Variants in VPS13B observed in about 807,000 individuals in gnomAD.
The protein encoded by VPS13B is intermembrane lipid transfer protein VPS13B.
Under a neutral mutation model 426.4 loss-of-function variants are expected in VPS13B, and 285 were observed. The observed-to-expected ratio is 0.67, with a 90% CI of 0.61 to 0.74. VPS13B has a LOEUF of 0.74. Among genes scored for constraint, VPS13B ranks in the 30% least tolerant of loss-of-function variants. The pLI is 0.00. For synonymous variants in VPS13B, 1,676 were observed against 1,676.4 expected, an observed-to-expected ratio of 1.00 and a Z score of 0.01; for missense variants, 4,537 against 4,782.6, an observed-to-expected ratio of 0.95 and a Z score of 1.51.
At chr8:99,159,490 TAATC>T (rs1166192386) in intron 15 of VPS13B, among the ~76,000 whole-genome samples, 1 of 152,204 alleles carries the variant, frequency 6.6e-6, no homozygotes, top group Non-Finnish European at 1.5e-5. Flanking sequence ...AAGGAAGAGT[TAATC>T]AATATGGCAA....
intron 35 of VPS13B, among the ~76,000 whole-genome samples, chr8:99,676,905 G>A (rs987787733): frequency 3.3e-5 from 5 of 152,050 alleles, no homozygotes; most frequent in African/African-American, 1.2e-4. Context: ...TGCCGTGGGT[G>A]GATCACCTGA....
At chr8:99,736,652 A>G (rs765985473) in intron 39 of VPS13B, among the ~76,000 whole-genome samples, 10 of 152,168 alleles carry the variant, frequency 6.6e-5, no homozygotes, top group Non-Finnish European at 1.0e-4. Context: ...CCTAAATGAG[A>G]GTTTGAGCTA....
intron 35 of VPS13B, among the ~76,000 whole-genome samples, chr8:99,687,008 C>T (rs1415680166): frequency 6.6e-6 from 1 of 152,010 alleles, no homozygotes; most frequent in Non-Finnish European, 1.5e-5. Flanking sequence ...TCACCCAGGG[C>T]CCATGGTGAG....
At chr8:99,848,654 T>C (rs1038084944) in intron 54 of VPS13B, 122 bp from the exon 55 acceptor site, 2 of 932,914 alleles carry the variant, frequency 2.1e-6, no homozygotes, top group African/African-American at 3.2e-5. Context: ...CACATGGATA[T>C]AAAGAAATAT....
intron 25 of VPS13B, among the ~76,000 whole-genome samples, chr8:99,482,439 G>T (rs1034132404): frequency 8.6e-5 from 13 of 152,000 alleles, no homozygotes; most frequent in African/African-American, 3.1e-4. Flanking sequence ...TAAATAAAAG[G>T]AAAGTAATTT....
At chr8:99,836,063 TAC>T (rs1334858814) in intron 54 of VPS13B, among the ~76,000 whole-genome samples, 1 of 152,200 alleles carries the variant, frequency 6.6e-6, no homozygotes, top group African/African-American at 2.4e-5. Flanking sequence ...CAGATTTTAG[TAC>T]AGTCATAATA....
chr8:99,806,686 AT>A (rs921029563), intron 43 of VPS13B, among the ~76,000 whole-genome samples: 9 of 152,184 alleles, frequency 5.9e-5, no homozygotes, highest in African/African-American at 1.2e-4. Flanking sequence ...CAAATGTCAC[AT>A]TTTTTTGTGC....
chr8:99,163,048 GAGTGTCAATTGGTGCATTCACAAAC>G lies in VPS13B; in HGVS notation c.2208+6306_2208+6330del, dbSNP rs1456896703. On this transcript the variant is annotated intron_variant, in intron 15 of 61. Coordinates refer to ENST00000357162, the MANE Select transcript of VPS13B (RefSeq NM_152564.5). ...GGCCCCACCAGAGCGGCTAGATACA[GAGTGTCAATTGGTGCATTCACAAAC>G]CTTGAGCTAAACACAGGGTGCTGAC... is the stretch of plus-strand genomic sequence containing the variant. 1.1e-4 allele frequency among the ~76,000 whole-genome samples: 17 copies of G among 152,332 alleles called. No individual in the cohort carries two copies. In the East Asian group the frequency reaches 3.1e-3, roughly 28 times the overall value.
At chr8:99,167,092 C>T (rs1291880762) in intron 15 of VPS13B, among the ~76,000 whole-genome samples, 1 of 152,082 alleles carries the variant, frequency 6.6e-6, no homozygotes, top group Non-Finnish European at 1.5e-5. Context: ...AAAGATGTCC[C>T]TAATCCTTTT....
intron 8 of VPS13B, 119 bp downstream of exon 8, chr8:99,121,564 C>A (rs1847934232): frequency 1.3e-6 from 2 of 1,505,536 alleles, no homozygotes; most frequent in South Asian, 2.8e-5. Flanking sequence ...GAGATAGAGT[C>A]TAACAGTTCT....
intron 20 of VPS13B, among the ~76,000 whole-genome samples, chr8:99,387,308 C>A (rs1044002858): frequency 6.6e-6 from 1 of 152,024 alleles, no homozygotes; most frequent in Admixed American, 6.6e-5. Flanking sequence ...GCCTTAACTT[C>A]GTGGGCTCAA....
intron 33 of VPS13B, among the ~76,000 whole-genome samples, chr8:99,602,131 G>A (rs1317847634): frequency 2.0e-5 from 3 of 152,180 alleles, no homozygotes; most frequent in Admixed American, 1.3e-4. Context: ...TATAGTTTTA[G>A]TTCTAAAATT....
intron 42 of VPS13B, among the ~76,000 whole-genome samples, chr8:99,782,473 C>T (rs1262124695): frequency 6.6e-6 from 1 of 151,814 alleles, no homozygotes; most frequent in Non-Finnish European, 1.5e-5. Flanking sequence ...AATAGGAGAA[C>T]CTACCTTGAC....
intron 33 of VPS13B, among the ~76,000 whole-genome samples, chr8:99,596,080 A>C (rs1273691586): frequency 6.6e-6 from 1 of 151,972 alleles, no homozygotes; most frequent in Non-Finnish European, 1.5e-5. Flanking sequence ...TACATAACCT[A>C]CTGCTCCAGT....
At chr8:99,748,683 C>CT (rs34563233) in intron 39 of VPS13B, among the ~76,000 whole-genome samples, 10 of 151,662 alleles carry the variant, frequency 6.6e-5, no homozygotes, top group East Asian at 1.9e-4. Context: ...TGCTTGACTC[C>CT]TTTTTTTTGC....
chr8:99,495,174 T>C (rs1385049788), intron 25 of VPS13B, among the ~76,000 whole-genome samples: 1 of 152,196 alleles, frequency 6.6e-6, no homozygotes, highest in African/African-American at 2.4e-5. Context: ...AAACATAGTC[T>C]TCTTCATAAT....
At position 99,121,312 on chromosome 8, in the gene VPS13B, G is replaced by A. The variant is rs201965789; in HGVS notation, c.1073G>A (p.Ser358Asn). The A allele has an allele frequency of 6.8e-5, 110 of 1,614,176 alleles. 1 individual carries two copies. In the Admixed American group the frequency reaches 1.8e-3, roughly 27 times the overall value. The change falls in exon 8 of 62, where the codon AGT (serine) becomes AAT (asparagine). Residue 358 changes from serine (S) to asparagine (N), a missense_variant. Physicochemically the swap from Ser to Asn is conservative, Grantham distance 46. Around this residue, in one of 2 missense-constraint regions of VPS13B, gnomAD observed 4,311 missense variants for 4,474.3 expected, o/e 0.96. Coordinates refer to ENST00000357162, the MANE Select transcript of VPS13B (RefSeq NM_152564.5). ...TGGTCCTTTGTGCCTGCAATTGTGAGTTATGACGATGGCGAGGAAGACTTT... is the reference window on the plus strand; with the variant it reads ...TGGTCCTTTGTGCCTGCAATTGTGAATTATGACGATGGCGAGGAAGACTTT... ...WAWSFVPAIV[S>N]YDDGEEDFVG...
chr8:99,048,786 G>A (rs1216006489), intron 3 of VPS13B, among the ~76,000 whole-genome samples: 8 of 150,150 alleles, frequency 5.3e-5, no homozygotes, highest in Non-Finnish European at 1.0e-4. Flanking sequence ...CTGCACTCCA[G>A]GTTGGGTGAC....
At chr8:99,763,135 C>CAAAA (rs750289763) in intron 39 of VPS13B, among the ~76,000 whole-genome samples, 193 of 35,752 alleles carry the variant, frequency 5.4e-3, no homozygotes, top group Non-Finnish European at 6.7e-3. Flanking sequence ...GACCTTGTCT[C>CAAAA]AAAAAAAAAA....
Sources: gnomAD v4.1 joint callset for allele counts (sites outside exome capture counted in the v4.1 genomes callset) on GRCh38, gnomAD v4.1.1 for gene constraint, gnomAD v4.1.1 regional missense constraint, MANE v1.5 for transcripts, NCBI Gene and HGNC (gene_info 2026-07-23, HGNC 2026-07-21) for gene names.